The following PCCA variants were observed in gnomAD, a reference collection of about 807,000 sequenced individuals.
PCCA encodes propionyl-CoA carboxylase subunit alpha.
Under a neutral mutation model 101.3 loss-of-function variants are expected in PCCA, and 74 were observed. The ratio of observed to expected loss-of-function variants is 0.73; its 90% CI spans 0.61 to 0.89. The LOEUF is 0.89. PCCA is among the 40% of genes least tolerant of loss of function. The pLI, the probability that PCCA is intolerant of heterozygous loss-of-function variation, is 0.00. For missense variants in PCCA, 891 were observed against 907.0 expected (o/e 0.98, Z 0.23); for synonymous variants, 294 against 313.6 (o/e 0.94, Z 0.66).
chr13:100,482,714 G>A (rs1359913758), intron 21 of PCCA, among the ~76,000 whole-genome samples: 1 of 152,152 alleles, frequency 6.6e-6, no homozygotes, highest in Non-Finnish European at 1.5e-5. Context: ...TCAGCCTCCC[G>A]AGTTGCTGGG....
intron 9 of PCCA, among the ~76,000 whole-genome samples, chr13:100,261,300 G>A (rs1251201924): frequency 6.6e-6 from 1 of 151,604 alleles, no homozygotes. Context: ...TTATATCAAT[G>A]GATAGAAGGC....
In PCCA at chr13:100,301,496, G is replaced by A; in HGVS notation, c.1102G>A (p.Asp368Asn). The A allele has an allele frequency of 6.2e-7, 1 of 1,614,044 alleles. No individual in the cohort carries two copies. The highest frequency in any genetic ancestry group is 2.2e-5 in the East Asian group (1 of 44,866). The change falls in exon 13 of 24, where the codon GAC becomes AAC. Residue 368 changes from aspartate (D) to asparagine (N), a missense_variant. Coordinates refer to ENST00000376285, the MANE Select transcript of PCCA (RefSeq NM_000282.4). ...HPVTECITGL[D>N]LVQEMIRVAK... ...TGTCACAGAATGCATTACTGGCCTG[G>A]ACCTAGTCCAGGAAATGATCCGTGT...
intron 12 of PCCA, among the ~76,000 whole-genome samples, chr13:100,276,104 C>G (rs1432489556): frequency 6.6e-6 from 1 of 150,390 alleles, no homozygotes; most frequent in South Asian, 2.1e-4. Context: ...GGCTGTGGGC[C>G]GTGGCTCACC....
chr13:100,201,462 A>G (rs978544162), intron 6 of PCCA, among the ~76,000 whole-genome samples: 1 of 152,196 alleles, frequency 6.6e-6, no homozygotes, highest in Non-Finnish European at 1.5e-5. Context: ...TTTCAGTTTC[A>G]TATAATTTTT....
chr13:100,270,292 T>A (rs2063221308), intron 11 of PCCA, among the ~76,000 whole-genome samples: 1 of 152,208 alleles, frequency 6.6e-6, no homozygotes. Flanking sequence ...TAAGAAACCA[T>A]GTGCTGAGCT....
intron 9 of PCCA, among the ~76,000 whole-genome samples, chr13:100,261,396 C>G (rs1453689765): frequency 1.3e-5 from 2 of 148,358 alleles, no homozygotes; most frequent in African/African-American, 5.0e-5. Flanking sequence ...GAGATGGAGT[C>G]TCACTGTCAC....
chr13:100,417,268 G>C (rs1192671330), intron 19 of PCCA, among the ~76,000 whole-genome samples: 2 of 152,228 alleles, frequency 1.3e-5, no homozygotes, highest in Non-Finnish European at 2.9e-5. Context: ...CCAAAGCCTT[G>C]TCCTGGTTAA....
intron 19 of PCCA, among the ~76,000 whole-genome samples, chr13:100,380,159 C>T (rs560459525): frequency 1.3e-5 from 2 of 152,092 alleles, no homozygotes; most frequent in Non-Finnish European, 2.9e-5. Context: ...CCCAAGAGTT[C>T]GAGACCAGCC....
chr13:100,205,173 G>A (rs749223119), intron 6 of PCCA, among the ~76,000 whole-genome samples: 24 of 152,128 alleles, frequency 1.6e-4, no homozygotes, highest in African/African-American at 4.6e-4. Flanking sequence ...AAAAAATACC[G>A]GGTTAACAGA....
chr13:100,441,430 C>T (rs993165069), intron 20 of PCCA, among the ~76,000 whole-genome samples: 2 of 152,072 alleles, frequency 1.3e-5, no homozygotes, highest in African/African-American at 2.4e-5. Context: ...GTTTTATTAT[C>T]CTAGGAAGGT....
intron 8 of PCCA, among the ~76,000 whole-genome samples, chr13:100,249,914 A>G (rs546607581): frequency 5.0e-4 from 76 of 152,124 alleles, no homozygotes; most frequent in Non-Finnish European, 9.3e-4. Flanking sequence ...ATTAATTTGT[A>G]TTCTGTAACC....
At chr13:100,407,821 A>G (rs2077777612) in intron 19 of PCCA, among the ~76,000 whole-genome samples, 1 of 152,212 alleles carries the variant, frequency 6.6e-6, no homozygotes, top group Non-Finnish European at 1.5e-5. Flanking sequence ...TCTTAATTAC[A>G]TGTTATAATA....
intron 12 of PCCA, among the ~76,000 whole-genome samples, chr13:100,289,492 T>A (rs1338906183): frequency 6.6e-6 from 1 of 152,114 alleles, no homozygotes; most frequent in Admixed American, 6.5e-5. Context: ...TTTCTTTTAG[T>A]GTGAAAATTT....
intron 12 of PCCA, among the ~76,000 whole-genome samples, chr13:100,277,424 C>G (rs557984107): frequency 3.6e-4 from 54 of 152,086 alleles, no homozygotes; most frequent in South Asian, 3.1e-3. Context: ...TTTGGCTGAT[C>G]CCTTCCTATA....
At chr13:100,207,506 A>G (rs2058933446) in intron 6 of PCCA, among the ~76,000 whole-genome samples, 1 of 151,802 alleles carries the variant, frequency 6.6e-6, no homozygotes, top group Admixed American at 6.6e-5. Flanking sequence ...TCAGCCTCCC[A>G]AGTAGCTGGG....
In PCCA at chr13:100,258,080, G is replaced by A. The variant is rs184917419; in HGVS notation, c.716+407G>A. ...GAGACTTAATGTATTACCTCAATAT[G>A]TAGTTGCTTTCCTTTGCTAGTGCAT... On this transcript the variant is annotated intron_variant, in intron 9 of 23. Coordinates refer to ENST00000376285, the MANE Select transcript of PCCA (RefSeq NM_000282.4). Among the ~76,000 whole-genome samples, 750 of 152,304 alleles carry A rather than the reference G, an allele frequency of 4.9e-3. 6 individuals carry two copies. Among genetic ancestry groups the A allele is most frequent in the African/African-American group, 0.017 (709 of 41,560 alleles).
At chr13:100,451,859 CCT>C (rs2081290504) in intron 21 of PCCA, among the ~76,000 whole-genome samples, 1 of 45,570 alleles carries the variant, frequency 2.2e-5, no homozygotes, top group Non-Finnish European at 4.3e-5. Context: ...CTCTCCTCTT[CCT>C]CTCCTCTCTC....
chr13:100,121,805 G>A (rs1410165445), intron 4 of PCCA, among the ~76,000 whole-genome samples: 1 of 152,134 alleles, frequency 6.6e-6, no homozygotes, highest in African/African-American at 2.4e-5. Flanking sequence ...TGTCATGTGT[G>A]AATAGAGATA....
chr13:100,377,656 G>A (rs1347930644), intron 19 of PCCA, among the ~76,000 whole-genome samples: 7 of 151,764 alleles, frequency 4.6e-5, no homozygotes, highest in Non-Finnish European at 8.8e-5. Context: ...CACCACGCCC[G>A]GCTAATTTTT....
Sources: gnomAD v4.1 joint callset for allele counts (sites outside exome capture counted in the v4.1 genomes callset) on GRCh38, gnomAD v4.1.1 for gene constraint, MANE v1.5 for transcripts, NCBI Gene and HGNC (gene_info 2026-07-23, HGNC 2026-07-21) for gene names.